The following RADIL variants were observed in gnomAD, a reference collection of about 807,000 sequenced individuals.
RADIL encodes ras-associating and dilute domain-containing protein.
Under a neutral mutation model 97.6 loss-of-function variants are expected in RADIL, and 99 were observed. That is an observed-to-expected ratio of 1.01 (90% CI 0.86 to 1.20). The LOEUF (loss-of-function observed/expected upper bound fraction) is 1.20. Among genes scored for constraint, RADIL ranks in the 50% most tolerant of loss-of-function variants. RADIL has a pLI of 0.00. For missense variants in RADIL, 1,765 were observed against 1,498.9 expected (o/e 1.18, Z -2.93); for synonymous variants, 803 against 691.8 (o/e 1.16, Z -2.52).
intron 12 of RADIL, 147 bp downstream of exon 12, chr7:4,801,506 C>T: frequency 1.1e-6 from 1 of 871,352 alleles, no homozygotes; most frequent in African/African-American, 1.7e-5. Flanking sequence ...GAGCCCTCTC[C>T]ATCTGGCCCC....
chr7:4,805,533 C>A lies in RADIL; in HGVS notation c.2290+33G>T, dbSNP rs747238049. On this transcript the variant is annotated intron_variant, in intron 10 of 14. Transcript: ENST00000399583. ...CTCGGGGCGAGTCTCCCACTGAGTCCCCAGCCCTCTCCTGCCCTGGGGCAG... is the reference window on the plus strand; with the variant it reads ...CTCGGGGCGAGTCTCCCACTGAGTCACCAGCCCTCTCCTGCCCTGGGGCAG... 1 of 1,547,860 alleles carries A rather than the reference C, an allele frequency of 6.5e-7. No homozygotes were observed. Among genetic ancestry groups the A allele is most frequent in the Non-Finnish European group, 8.7e-7 (1 of 1,145,012 alleles).
At chr7:4,874,445 G>C (rs753255408) in intron 2 of RADIL, among the ~76,000 whole-genome samples, 1 of 152,238 alleles carries the variant, frequency 6.6e-6, no homozygotes, top group African/African-American at 2.4e-5. Flanking sequence ...AGAAGCATGT[G>C]TGCATGCCTC....
rs1180840860 is a variant in RADIL at position 4,835,795 on chromosome 7, C to T, written c.784-556G>A. 6.6e-6 allele frequency among the ~76,000 whole-genome samples: 1 copy of T among 152,214 alleles called. No homozygotes were observed. Among genetic ancestry groups the T allele is most frequent in the Non-Finnish European group, 1.5e-5 (1 of 68,038 alleles). ...TAGGGTGAGCAGGGGGCGGGGAAAA[C>T]AGTTGTCTGGCAGGGCAAGTGTCCG... On this transcript the variant is annotated intron_variant, in intron 3 of 14. Transcript: ENST00000399583. The surrounding 1 kb of genome is among the most constrained non-coding windows in gnomAD (Gnocchi z 5.8).
chr7:4,807,795 TCTCC>T (rs1583266651), intron 9 of RADIL, among the ~76,000 whole-genome samples: 1 of 51,632 alleles, frequency 1.9e-5, no homozygotes, highest in African/African-American at 8.4e-5. Flanking sequence ...CTCCGTCTCC[TCTCC>T]CTCCCTCTCT....
intron 5 of RADIL, among the ~76,000 whole-genome samples, chr7:4,827,358 G>A (rs1453151930): frequency 1.5e-5 from 2 of 130,474 alleles, no homozygotes; most frequent in Non-Finnish European, 3.2e-5. Flanking sequence ...GAGCGAGACT[G>A]TCTCAAAAAA....
Position 4,798,888 on chromosome 7 carries a change from C to A in RADIL, c.*490G>T, listed in dbSNP as rs985533740. On this transcript the variant is annotated 3_prime_UTR_variant, in exon 15 of 15. Coordinates refer to ENST00000399583, the MANE Select transcript of RADIL (RefSeq NM_018059.5). ...TCCAGCATCCTCTGCCAGGTCTGGC[C>A]CTGCTTCAGCTGGGAGGGGCTGTTG... 4.8e-5 allele frequency: 8 copies of A among 167,428 alleles called. No individual in the cohort carries two copies. Among genetic ancestry groups the A allele is most frequent in the African/African-American group, 1.9e-4 (8 of 41,662 alleles). The allele number at this position is 167,428 out of a possible 1,614,324, so 10.4% of individuals were successfully genotyped here.
rs1784470103 is a variant in RADIL at position 4,880,932 on chromosome 7, T to C, written c.-65+2664A>G. Reference sequence around the variant, plus strand: ...GGCAACATAACAAGATCCCAATCTCTACAGAAAATAAAAATAAAAAATTAG... The same window carrying C: ...GGCAACATAACAAGATCCCAATCTCCACAGAAAATAAAAATAAAAAATTAG... On this transcript the variant is annotated intron_variant, in intron 1 of 14. Coordinates refer to ENST00000399583, the MANE Select transcript of RADIL (RefSeq NM_018059.5). The surrounding 1 kb of genome is among the most constrained non-coding windows in gnomAD (Gnocchi z 4.5). Among the ~76,000 whole-genome samples the C allele has an allele frequency of 6.6e-6, 1 of 151,854 alleles. No individual in the cohort carries two copies. The highest frequency in any genetic ancestry group is 1.5e-5 in the Non-Finnish European group (1 of 67,960).
rs756409061 is a variant in RADIL at position 4,801,665 on chromosome 7, C to A, written c.2830G>T (p.Ala944Ser). 1.9e-6 allele frequency: 3 copies of A among 1,598,686 alleles called. No homozygotes were observed. Among genetic ancestry groups the A allele is most frequent in the East Asian group, 2.3e-5 (1 of 44,008 alleles). Residue 944 changes from alanine to serine, a missense_variant, in exon 12 of 15, where the codon GCA becomes TCA. Coordinates refer to ENST00000399583, the MANE Select transcript of RADIL (RefSeq NM_018059.5). ...AGGCAGGGCTCACCTTCCGGAGCTG[C>A]ACCCCGGAGGCCGCTGAGTCCGTTC... ...QRNGLSGLRGAAPEGDSAALA... is the reference protein window; with the variant it reads ...QRNGLSGLRGSAPEGDSAALA...
At chr7:4,846,824 G>A (rs780050862) in intron 2 of RADIL, among the ~76,000 whole-genome samples, 2 of 152,042 alleles carry the variant, frequency 1.3e-5, no homozygotes, top group African/African-American at 4.8e-5. Flanking sequence ...TGGGATTATA[G>A]GCATGAGCCA....
In RADIL at chr7:4,835,202, G is replaced by A. The variant is rs1289457128; in HGVS notation, c.821C>T (p.Thr274Met). The A allele has an allele frequency of 1.2e-6, 2 of 1,611,768 alleles. No individual in the cohort carries two copies. The highest frequency in any genetic ancestry group is 1.7e-6 in the Non-Finnish European group (2 of 1,179,834). Residue 274 changes from threonine to methionine, a missense_variant, in exon 4 of 15, where the codon ACG becomes ATG. Coordinates refer to ENST00000399583, the MANE Select transcript of RADIL (RefSeq NM_018059.5). This position sits in a 1 kb window ranked among gnomAD's most constrained non-coding sequence, Gnocchi z 5.8. ...LVYVLNRDRHTVGQRTPSSKP... is the reference protein window; with the variant it reads ...LVYVLNRDRHMVGQRTPSSKP... ...GCTGGAGGGGGTCCGCTGGCCCACC[G>A]TGTGCCGGTCCCGGTTGAGCACATA...
intron 2 of RADIL, chr7:4,838,132 C>T (rs1282381674): frequency 1.1e-6 from 1 of 892,954 alleles, no homozygotes; most frequent in Non-Finnish European, 1.3e-6. Context: ...GGCTGCTCAC[C>T]ACCCGTGCTC....
Position 4,817,699 on chromosome 7 carries a change from C to T in RADIL, c.1616-348G>A, listed in dbSNP as rs1185416033. Among the ~76,000 whole-genome samples, 1 of 152,210 alleles carries T rather than the reference C, an allele frequency of 6.6e-6. No homozygotes were observed. Among genetic ancestry groups the T allele is most frequent in the African/African-American group, 2.4e-5 (1 of 41,450 alleles). On this transcript the variant is annotated intron_variant, in intron 6 of 14. Transcript: ENST00000399583. The surrounding 1 kb of genome is among the most constrained non-coding windows in gnomAD (Gnocchi z 8.3). ...ACCCAACATAGCAGGTCCTAACTGCCTCCCCACAGGTCACCTCTCACTCGC... is the reference window on the plus strand; with the variant it reads ...ACCCAACATAGCAGGTCCTAACTGCTTCCCCACAGGTCACCTCTCACTCGC...
Position 4,835,068 on chromosome 7 carries a change from G to A in RADIL, c.955C>T (p.Pro319Ser), listed in dbSNP as rs1292930397. ...GQAAGRLVLE[P>S]IPGAHISVNF... ...ACGGAGATGTGCGCCCCGGGGATGG[G>A]CTCCAGGACCAGCCTCCCCGCGGCC... The change falls in exon 4 of 15, where the codon CCC becomes TCC. Residue 319 changes from proline (P) to serine (S), a missense_variant. Coordinates refer to ENST00000399583, the MANE Select transcript of RADIL (RefSeq NM_018059.5). This position sits in a 1 kb window ranked among gnomAD's most constrained non-coding sequence, Gnocchi z 5.8. 6.2e-7 allele frequency: 1 copy of A among 1,607,598 alleles called. No homozygotes were observed. The highest frequency in any genetic ancestry group is 8.5e-7 in the Non-Finnish European group (1 of 1,177,650).
intron 10 of RADIL, 120 bp from the exon 11 acceptor site, chr7:4,803,874 C>G: frequency 1.1e-6 from 1 of 899,756 alleles, no homozygotes; most frequent in Non-Finnish European, 1.8e-6. Context: ...GTCCCCTGCC[C>G]TGTGGACACA....
At position 4,883,072 on chromosome 7, in the gene RADIL, G is replaced by T. The variant is rs1047744473; in HGVS notation, c.-65+524C>A. On this transcript the variant is annotated intron_variant, in intron 1 of 14. Coordinates refer to ENST00000399583, the MANE Select transcript of RADIL (RefSeq NM_018059.5). This position sits in a 1 kb window ranked among gnomAD's most constrained non-coding sequence, Gnocchi z 7.1. ...AAATAGCCGGGAAACAATGCTTTGA[G>T]CTGGCGCACGAGTGGGGATCGGGCT... 1.3e-5 allele frequency among the ~76,000 whole-genome samples: 2 copies of T among 151,790 alleles called. No homozygotes were observed. Among genetic ancestry groups the T allele is most frequent in the Non-Finnish European group, 2.9e-5 (2 of 68,032 alleles).
intron 2 of RADIL, among the ~76,000 whole-genome samples, chr7:4,843,502 C>G (rs1583301003): frequency 6.6e-6 from 1 of 152,182 alleles, no homozygotes; most frequent in African/African-American, 2.4e-5. Context: ...GAAAGAAAAT[C>G]ATTTCAAATG....
At position 4,800,226 on chromosome 7, in the gene RADIL, G is replaced by A. The variant is rs200317956; in HGVS notation, c.2927C>T (p.Thr976Met). ...SSTEDFCYVF[T>M]VELERGPSGL... is the part of the protein sequence containing the mutation. ...GGAGGGGCCTCGTTCCAGCTCCACC[G>A]TGAAGACGTAGCAGAAGTCCTCGGT... Residue 976 changes from threonine to methionine, a missense_variant, in exon 13 of 15, where the codon ACG (threonine) becomes ATG (methionine). Transcript: ENST00000399583. The A allele has an allele frequency of 4.0e-4, 641 of 1,604,154 alleles. No homozygotes were observed. Among genetic ancestry groups the A allele is most frequent in the Admixed American group, 7.5e-4 (44 of 58,282 alleles).
Position 4,815,184 on chromosome 7 carries a change from C to G in RADIL, c.2139+94G>C. The G allele has an allele frequency of 7.2e-7, 1 of 1,393,654 alleles. No individual in the cohort carries two copies. The highest frequency in any genetic ancestry group is 9.5e-7 in the Non-Finnish European group (1 of 1,057,728). The allele number at this position is 1,393,654 out of a possible 1,614,324, so 86.3% of individuals were successfully genotyped here. A position where few individuals can be genotyped will look rare whatever the true frequency, so the allele number is the denominator to read the frequency against. ...TTTGAGGTTTCCAGCCAAGAAGCCC[C>G]GTCCCGGCCCCCAGGCTTGGTTTGT... On this transcript the variant is annotated intron_variant, in intron 9 of 14. Transcript: ENST00000399583. This position sits in a 1 kb window ranked among gnomAD's most constrained non-coding sequence, Gnocchi z 8.0.
intron 10 of RADIL, chr7:4,805,173 A>G (rs766962359): frequency 9.2e-6 from 2 of 217,998 alleles, no homozygotes; most frequent in African/African-American, 2.3e-5. Flanking sequence ...CCGTATGGAC[A>G]TGTGTGTGTG....
Sources: allele counts gnomAD v4.1 joint callset (sites outside exome capture counted in the v4.1 genomes callset), GRCh38; gene constraint gnomAD v4.1.1; non-coding constraint Gnocchi (gnomAD v3.1); transcripts MANE v1.5; gene names NCBI Gene and HGNC (gene_info 2026-07-23, HGNC 2026-07-21).